Variants in CADM2 observed in about 807,000 individuals in gnomAD.
CADM2 encodes the protein cell adhesion molecule 2.
In CADM2, 12 loss-of-function variants were observed where a neutral mutation model predicts 49.8. That is an observed-to-expected ratio of 0.24 (90% CI 0.15 to 0.39). CADM2 has a LOEUF of 0.39. Among genes scored for constraint, CADM2 ranks in the 10% least tolerant of loss-of-function variants. The probability of loss-of-function intolerance (pLI) is 1.00; values close to 1 mark genes in which losing one functional copy is unlikely to be tolerated. For missense variants in CADM2, 378 were observed against 492.3 expected (o/e 0.77, Z 2.20); for synonymous variants, 214 against 175.4 (o/e 1.22, Z -1.74).
intron 2 of CADM2, among the ~76,000 whole-genome samples, chr3:85,727,719 C>T (rs2067761986): frequency 1.3e-5 from 2 of 152,062 alleles, no homozygotes; most frequent in Admixed American, 6.6e-5. Context: ...CAGGGTACAG[C>T]ATATGAGTGT....
At chr3:85,422,016 G>A (rs1387527673) in intron 1 of CADM2, among the ~76,000 whole-genome samples, 1 of 152,070 alleles carries the variant, frequency 6.6e-6, no homozygotes, top group Non-Finnish European at 1.5e-5. Flanking sequence ...TTTCCCGAAG[G>A]GATTGACATT....
intron 1 of CADM2, among the ~76,000 whole-genome samples, chr3:85,133,883 C>T (rs9834440): frequency 0.43 from 65,526 of 151,916 alleles, 15,635 homozygotes; most frequent in Non-Finnish European, 0.55. Flanking sequence ...CTTGGGTGGT[C>T]GATGGGACTG....
chr3:85,083,492 A>G (rs1398810051), intron 1 of CADM2, among the ~76,000 whole-genome samples: 1 of 152,156 alleles, frequency 6.6e-6, no homozygotes, highest in African/African-American at 2.4e-5. Flanking sequence ...TCTTTCACAT[A>G]CATGATCTTG....
intron 1 of CADM2, among the ~76,000 whole-genome samples, chr3:85,686,877 T>A (rs565256602): frequency 6.6e-6 from 1 of 152,340 alleles, no homozygotes; most frequent in South Asian, 2.1e-4. Flanking sequence ...TGGAGTTGTC[T>A]TGCCTTTTCA....
chr3:85,637,631 TA>T (rs1167367303), intron 1 of CADM2, among the ~76,000 whole-genome samples: 23 of 145,258 alleles, frequency 1.6e-4, no homozygotes, highest in African/African-American at 4.8e-4. Flanking sequence ...AAAAATAAAA[TA>T]AAATAAATAA....
At chr3:85,559,687 CAT>C (rs1186887258) in intron 1 of CADM2, among the ~76,000 whole-genome samples, 8 of 49,372 alleles carry the variant, frequency 1.6e-4, no homozygotes, top group Admixed American at 4.6e-4. Context: ...CACACACACA[CAT>C]ATATATATAT....
chr3:85,498,380 T>C (rs2039989413), intron 1 of CADM2, among the ~76,000 whole-genome samples: 1 of 152,152 alleles, frequency 6.6e-6, no homozygotes, highest in South Asian at 2.1e-4. Context: ...AGTTCAATGT[T>C]AATGAATCAA....
chr3:85,315,623 A>T (rs1024300481), intron 1 of CADM2, among the ~76,000 whole-genome samples: 3 of 152,214 alleles, frequency 2.0e-5, no homozygotes, highest in Non-Finnish European at 4.4e-5. Flanking sequence ...TGGAATAAAT[A>T]TCCAATATTA....
At chr3:85,983,093 A>G (rs1205673123) in intron 8 of CADM2, among the ~76,000 whole-genome samples, 4 of 151,728 alleles carry the variant, frequency 2.6e-5, no homozygotes, top group Admixed American at 6.6e-5. Flanking sequence ...TCATCCTATG[A>G]TATGTTAAAC....
At chr3:85,752,354 G>A (rs1447010632) in intron 2 of CADM2, among the ~76,000 whole-genome samples, 2 of 152,024 alleles carry the variant, frequency 1.3e-5, no homozygotes, top group African/African-American at 4.8e-5. Context: ...AGGATCAGGG[G>A]TGTGTGGTGT....
chr3:86,017,807 A>T (rs1055279144), intron 8 of CADM2, among the ~76,000 whole-genome samples: 7 of 150,118 alleles, frequency 4.7e-5, no homozygotes, highest in Admixed American at 2.7e-4. Context: ...AGGAAAAATT[A>T]TGTTATGTGT....
intron 3 of CADM2, among the ~76,000 whole-genome samples, chr3:85,861,145 C>T (rs1045307882): frequency 3.9e-5 from 6 of 152,056 alleles, no homozygotes; most frequent in African/African-American, 9.7e-5. Flanking sequence ...CTGGCTGTTG[C>T]GTTGAGAATA....
chr3:85,878,435 T>C (rs1712240136), intron 3 of CADM2, among the ~76,000 whole-genome samples: 1 of 152,154 alleles, frequency 6.6e-6, no homozygotes, highest in African/African-American at 2.4e-5. Context: ...TAGAAACAAC[T>C]GAAAGTATTA....
intron 5 of CADM2, among the ~76,000 whole-genome samples, chr3:85,897,333 A>G (rs1577597568): frequency 7.9e-6 from 1 of 126,208 alleles, no homozygotes; most frequent in East Asian, 2.5e-4. Context: ...GCAGTGGCGC[A>G]ATCTCGGCTC....
chr3:85,162,343 G>A (rs549199728), intron 1 of CADM2, among the ~76,000 whole-genome samples: 41 of 152,170 alleles, frequency 2.7e-4, no homozygotes, highest in South Asian at 1.2e-3. Context: ...TTTATGTAGC[G>A]TGCTTACCAA....
At chr3:85,329,878 A>G (rs1299340314) in intron 1 of CADM2, among the ~76,000 whole-genome samples, 1 of 152,090 alleles carries the variant, frequency 6.6e-6, no homozygotes, top group Non-Finnish European at 1.5e-5. Flanking sequence ...CCTTTTTGAA[A>G]GAAAAATAAG....
At chr3:85,484,421 G>A (rs7626594) in intron 1 of CADM2, among the ~76,000 whole-genome samples, 44,978 of 151,728 alleles carry the variant, frequency 0.3, 7,912 homozygotes, top group East Asian at 0.53. Context: ...GTGGAAATGT[G>A]GCAACACCTC....
At chr3:85,287,955 A>G (rs1415876354) in intron 1 of CADM2, among the ~76,000 whole-genome samples, 14 of 111,938 alleles carry the variant, frequency 1.3e-4, no homozygotes, top group Non-Finnish European at 1.5e-4. Flanking sequence ...TGTGGGGTGG[A>G]GGGAGGGGGG....
At chr3:85,250,384 C>T (rs1250925948) in intron 1 of CADM2, among the ~76,000 whole-genome samples, 1 of 151,304 alleles carries the variant, frequency 6.6e-6, no homozygotes, top group Non-Finnish European at 1.5e-5. Context: ...CAGTAAATAC[C>T]TATTAATATT....
Sources: gnomAD v4.1 joint callset for allele counts (sites outside exome capture counted in the v4.1 genomes callset) on GRCh38, gnomAD v4.1.1 for gene constraint, MANE v1.5 for transcripts, NCBI Gene and HGNC (gene_info 2026-07-23, HGNC 2026-07-21) for gene names.